Variants in NRG1 observed in about 807,000 individuals in gnomAD.
NRG1 encodes the protein pro-neuregulin-1, membrane-bound isoform.
A neutral mutation model predicts 63.8 loss-of-function variants in NRG1; 18 were observed. That is an observed-to-expected ratio of 0.28 (90% CI 0.19 to 0.42). The LOEUF is 0.42. Among genes scored for constraint, NRG1 ranks in the 10% least tolerant of loss-of-function variants. NRG1 has a pLI of 1.00. For missense variants in NRG1, 762 were observed against 814.7 expected, an observed-to-expected ratio of 0.94 and a Z score of 0.79; for synonymous variants, 302 against 301.3, an observed-to-expected ratio of 1.00 and a Z score of -0.02.
chr8:32,735,798 C>G (rs936307339), intron 6 of NRG1, among the ~76,000 whole-genome samples: 2 of 152,132 alleles, frequency 1.3e-5, no homozygotes, highest in African/African-American at 4.8e-5. Context: ...GGAAGGGCAC[C>G]AAGGTTCAAA....
intron 1 of NRG1, among the ~76,000 whole-genome samples, chr8:32,127,264 A>G (rs1327637981): frequency 1.3e-5 from 2 of 151,862 alleles, no homozygotes; most frequent in Non-Finnish European, 2.9e-5. Flanking sequence ...AACTGCACCA[A>G]AAACCATGGA....
intron 1 of NRG1, among the ~76,000 whole-genome samples, chr8:32,263,844 A>G (rs541662636): frequency 6.6e-6 from 1 of 152,262 alleles, no homozygotes; most frequent in South Asian, 2.1e-4. Flanking sequence ...AGTCCAAAAG[A>G]TTTATTTCAA....
At chr8:32,539,436 T>C (rs987760191) in intron 1 of NRG1, among the ~76,000 whole-genome samples, 3 of 152,004 alleles carry the variant, frequency 2.0e-5, no homozygotes, top group African/African-American at 7.3e-5. Context: ...GCTTCAGAGG[T>C]GAACACTGTA....
At chr8:32,352,018 G>T (rs1805668767) in intron 1 of NRG1, among the ~76,000 whole-genome samples, 1 of 151,668 alleles carries the variant, frequency 6.6e-6, no homozygotes. Flanking sequence ...TGACAAGTGA[G>T]GATGTTAGGA....
intron 1 of NRG1, among the ~76,000 whole-genome samples, chr8:31,758,107 C>T (rs1024755369): frequency 3.9e-5 from 6 of 151,954 alleles, no homozygotes; most frequent in South Asian, 2.1e-4. Flanking sequence ...ATGTGCAGAA[C>T]GTGCAGGTTT....
chr8:31,917,381 T>C (rs1833490399), intron 1 of NRG1, among the ~76,000 whole-genome samples: 1 of 150,872 alleles, frequency 6.6e-6, no homozygotes, highest in East Asian at 1.9e-4. Context: ...TTGATTTTTG[T>C]ATAAGGTGTA....
intron 1 of NRG1, among the ~76,000 whole-genome samples, chr8:32,372,977 G>A (rs758165082): frequency 1.2e-4 from 18 of 152,192 alleles, no homozygotes; most frequent in South Asian, 2.1e-4. Flanking sequence ...TACATCCTGA[G>A]GCTTTTTAGC....
At chr8:32,708,952 T>G (rs962856310) in intron 5 of NRG1, among the ~76,000 whole-genome samples, 3 of 152,240 alleles carry the variant, frequency 2.0e-5, no homozygotes, top group Admixed American at 1.3e-4. Context: ...AGGGTGACAC[T>G]TGACATCTGT....
chr8:31,809,377 T>C (rs181675593), intron 1 of NRG1, among the ~76,000 whole-genome samples: 7 of 143,926 alleles, frequency 4.9e-5, no homozygotes, highest in African/African-American at 1.8e-4. Flanking sequence ...TACACGTATA[T>C]ATACGTGTAT....
chr8:31,779,442 G>A (rs537991703), intron 1 of NRG1, among the ~76,000 whole-genome samples: 5 of 150,600 alleles, frequency 3.3e-5, no homozygotes, highest in East Asian at 3.9e-4. Flanking sequence ...ACGCTTGTTC[G>A]GAGACAGCCC....
chr8:32,709,328 G>C (rs1817234585), intron 5 of NRG1, among the ~76,000 whole-genome samples: 1 of 152,114 alleles, frequency 6.6e-6, no homozygotes. Context: ...AAAATTCTGT[G>C]ATTCTCAGAT....
At chr8:32,629,712 A>G (rs1849932451) in intron 5 of NRG1, among the ~76,000 whole-genome samples, 1 of 151,936 alleles carries the variant, frequency 6.6e-6, no homozygotes, top group Non-Finnish European at 1.5e-5. Context: ...GATTTTTTTC[A>G]TTTTATCATA....
chr8:32,301,764 A>G (rs1563289841), intron 1 of NRG1, among the ~76,000 whole-genome samples: 1 of 152,176 alleles, frequency 6.6e-6, no homozygotes, highest in Non-Finnish European at 1.5e-5. Flanking sequence ...AGAACAGTGC[A>G]GGAAAGACCG....
At chr8:32,754,514 C>CAG (rs1327310579) in intron 8 of NRG1, 40 bp downstream of exon 8, 1 of 1,571,840 alleles carries the variant, frequency 6.4e-7, no homozygotes, top group Admixed American at 1.7e-5. Flanking sequence ...CTCCTTCATG[C>CAG]AGAGACAGCT....
At chr8:32,686,763 A>C (rs1334455075) in intron 5 of NRG1, among the ~76,000 whole-genome samples, 4 of 152,222 alleles carry the variant, frequency 2.6e-5, no homozygotes, top group African/African-American at 9.6e-5. Context: ...ACTGTGAGAC[A>C]GACCTGTTCT....
At chr8:31,822,516 A>G (rs1824103149) in intron 1 of NRG1, among the ~76,000 whole-genome samples, 1 of 152,184 alleles carries the variant, frequency 6.6e-6, no homozygotes, top group Non-Finnish European at 1.5e-5. Context: ...GAAATTGTGT[A>G]TTTGTGAATA....
At chr8:32,102,397 C>A (rs966602388) in intron 1 of NRG1, among the ~76,000 whole-genome samples, 1 of 152,134 alleles carries the variant, frequency 6.6e-6, no homozygotes, top group Non-Finnish European at 1.5e-5. Flanking sequence ...CTTGGCATCC[C>A]AGAGTGCTGG....
Position 32,463,905 on chromosome 8 carries a change from TTTTTTTTTGG to T in NRG1, c.38-131922_38-131913del, listed in dbSNP as rs1822690486. On this transcript the variant is annotated intron_variant, in intron 1 of 10. Coordinates refer to the NRG1 transcript ENST00000519301. ...TTTTTTTTTTTTTTTTTTTTTTTTT[TTTTTTTTTGG>T]GGGAGGGTCTCATTCTGTTGCCAGG... 2.9e-4 allele frequency among the ~76,000 whole-genome samples: 23 copies of T among 79,278 alleles called. 6 individuals carry two copies. Among genetic ancestry groups the T allele is most frequent in the South Asian group, 9.7e-4 (2 of 2,056 alleles). 52.0% of individuals were successfully genotyped at this position (79,278 alleles called of 152,430 possible).
chr8:31,928,007 A>AC (rs1177060657), intron 1 of NRG1, among the ~76,000 whole-genome samples: 3 of 150,794 alleles, frequency 2.0e-5, no homozygotes, highest in Non-Finnish European at 3.0e-5. Flanking sequence ...AAAAAAAAAA[A>AC]AAAACCTTGT....
Sources: gnomAD v4.1 joint callset for allele counts (sites outside exome capture counted in the v4.1 genomes callset) on GRCh38, gnomAD v4.1.1 for gene constraint, MANE v1.5 for transcripts, NCBI Gene and HGNC (gene_info 2026-07-23, HGNC 2026-07-21) for gene names.